CSMD1: variants seen among roughly 807,000 people sequenced by gnomAD.
The protein encoded by CSMD1 is CUB and sushi domain-containing protein 1.
A neutral mutation model predicts 417.5 loss-of-function variants in CSMD1; 213 were observed. The ratio of observed to expected loss-of-function variants is 0.51; its 90% CI spans 0.46 to 0.57. The LOEUF (loss-of-function observed/expected upper bound fraction) is 0.57. CSMD1 is among the 20% of genes least tolerant of loss of function. CSMD1 has a pLI of 0.00. For synonymous variants in CSMD1, 2,862 were observed against 1,736.8 expected, an observed-to-expected ratio of 1.65 and a Z score of -16.11; for missense variants, 6,923 against 4,529.7, an observed-to-expected ratio of 1.53 and a Z score of -15.17.
At chr8:3,946,770 C>G (rs1393468365) in intron 5 of CSMD1, among the ~76,000 whole-genome samples, 1 of 152,108 alleles carries the variant, frequency 6.6e-6, no homozygotes, top group African/African-American at 2.4e-5. Context: ...TTTCAGCATG[C>G]AGTCTTGCAT....
chr8:3,097,112 G>A, intron 46 of CSMD1, 75 bp from the exon 47 acceptor site: 3 of 1,154,266 alleles, frequency 2.6e-6, no homozygotes, highest in Non-Finnish European at 2.4e-6. Flanking sequence ...TTCTATCCCT[G>A]TATAAACAAG....
intron 8 of CSMD1, among the ~76,000 whole-genome samples, chr8:3,590,380 G>A (rs34509134): frequency 1.3e-4 from 20 of 152,218 alleles, no homozygotes; most frequent in Non-Finnish European, 2.2e-4. Flanking sequence ...CACCCATCAA[G>A]GTAGTCATGT....
chr8:3,149,537 G>C (rs999213847), intron 40 of CSMD1, among the ~76,000 whole-genome samples: 119 of 152,242 alleles, frequency 7.8e-4, no homozygotes, highest in African/African-American at 2.5e-3. Context: ...GAGCGCAGTG[G>C]CGTGATCGTG....
chr8:3,457,093 G>A (rs956195955), intron 12 of CSMD1, among the ~76,000 whole-genome samples: 6 of 150,856 alleles, frequency 4.0e-5, no homozygotes, highest in Non-Finnish European at 8.9e-5. Context: ...CTCTCTTCCT[G>A]GACCCCTCCC....
intron 51 of CSMD1, among the ~76,000 whole-genome samples, chr8:3,019,214 C>T (rs770192905): frequency 1.3e-5 from 2 of 152,062 alleles, no homozygotes; most frequent in African/African-American, 2.4e-5. Context: ...CACTGTGCCT[C>T]GACCCATTAA....
chr8:4,577,323 G>T (rs1386611496), intron 2 of CSMD1, among the ~76,000 whole-genome samples: 2 of 152,148 alleles, frequency 1.3e-5, no homozygotes, highest in Non-Finnish European at 2.9e-5. Flanking sequence ...TTTCAATAAT[G>T]ATGCCCCAAA....
At chr8:3,485,510 T>A (rs1050097507) in intron 11 of CSMD1, among the ~76,000 whole-genome samples, 1 of 143,722 alleles carries the variant, frequency 7.0e-6, no homozygotes. Context: ...TGAAATTGTA[T>A]AGAACTTCAT....
chr8:4,091,454 G>C (rs1800715721), intron 3 of CSMD1, among the ~76,000 whole-genome samples: 1 of 152,104 alleles, frequency 6.6e-6, no homozygotes, highest in Admixed American at 6.5e-5. Flanking sequence ...CTCCACGTCA[G>C]AAAAACAGCA....
At chr8:3,200,035 A>G (rs769616734) in intron 32 of CSMD1, among the ~76,000 whole-genome samples, 20 of 152,148 alleles carry the variant, frequency 1.3e-4, no homozygotes, top group Non-Finnish European at 2.9e-4. Context: ...TGTAATCATT[A>G]TTTCGCTTAT....
At chr8:3,943,595 G>C (rs1811033422) in intron 5 of CSMD1, among the ~76,000 whole-genome samples, 1 of 152,040 alleles carries the variant, frequency 6.6e-6, no homozygotes, top group African/African-American at 2.4e-5. Context: ...CTTTTCATTT[G>C]AAATAGCTGG....
chr8:4,932,837 AACT>A (rs1383406077), intron 1 of CSMD1, among the ~76,000 whole-genome samples: 1 of 152,230 alleles, frequency 6.6e-6, no homozygotes, highest in African/African-American at 2.4e-5. Flanking sequence ...TCAAATTTTC[AACT>A]ACAGGTCCTG....
intron 1 of CSMD1, among the ~76,000 whole-genome samples, chr8:4,762,304 G>C (rs1193298954): frequency 2.6e-5 from 4 of 152,096 alleles, no homozygotes; most frequent in Middle Eastern, 6.8e-3. Flanking sequence ...AGAAAGAATA[G>C]CTGTTTACTG....
chr8:3,707,262 A>G (rs919194018), intron 7 of CSMD1, among the ~76,000 whole-genome samples: 2 of 152,100 alleles, frequency 1.3e-5, no homozygotes, highest in African/African-American at 4.8e-5. Context: ...TTTGTTGCAT[A>G]TAAAACCTCA....
chr8:4,312,391 A>G (rs1401521692), intron 3 of CSMD1, among the ~76,000 whole-genome samples: 5 of 63,410 alleles, frequency 7.9e-5, no homozygotes. Flanking sequence ...ATATATATAT[A>G]TACATACATA....
intron 2 of CSMD1, among the ~76,000 whole-genome samples, chr8:4,465,452 C>A (rs1800108658): frequency 1.3e-5 from 2 of 152,122 alleles, no homozygotes; most frequent in East Asian, 3.9e-4. Context: ...TCCTGCCTTG[C>A]CATATTATTT....
At chr8:3,360,384 T>C (rs758800872) in intron 20 of CSMD1, among the ~76,000 whole-genome samples, 1 of 152,236 alleles carries the variant, frequency 6.6e-6, no homozygotes, top group Non-Finnish European at 1.5e-5. Flanking sequence ...TACGTATAAT[T>C]GAGCTCTGGC....
intron 2 of CSMD1, among the ~76,000 whole-genome samples, chr8:4,465,947 G>T (rs1467307377): frequency 6.6e-6 from 1 of 152,166 alleles, no homozygotes; most frequent in East Asian, 1.9e-4. Context: ...GAAATTATGT[G>T]CTTCCAATAC....
intron 57 of CSMD1, 149 bp from the exon 58 acceptor site, chr8:2,966,895 G>GA: frequency 1.1e-5 from 7 of 620,220 alleles, no homozygotes; most frequent in Non-Finnish European, 2.0e-5. Context: ...CTTAACATAT[G>GA]GCTTACTATG....
chr8:3,849,354 T>C (rs181138691), intron 5 of CSMD1, among the ~76,000 whole-genome samples: 13 of 151,650 alleles, frequency 8.6e-5, no homozygotes, highest in Non-Finnish European at 1.9e-4. Flanking sequence ...TGGAGAGAGG[T>C]GGGGTCCACT....
Sources: gnomAD v4.1 joint callset for allele counts (sites outside exome capture counted in the v4.1 genomes callset) on GRCh38, gnomAD v4.1.1 for gene constraint, MANE v1.5 for transcripts, NCBI Gene and HGNC (gene_info 2026-07-23, HGNC 2026-07-21) for gene names.